Variants in UGT2A1 observed in about 807,000 individuals in gnomAD.
UGT2A1 encodes UDP glucuronosyltransferase family 2 member A1 complex locus, also known as UDP-glucuronosyltransferase 2A1.
A neutral mutation model predicts 45.4 loss-of-function variants in UGT2A1; 61 were observed. The observed-to-expected ratio is 1.34, with a 90% CI of 1.09 to 1.66. UGT2A1 has a LOEUF of 1.66. UGT2A1 is among the 40% of genes most tolerant of loss of function. The pLI is 0.00. For synonymous variants in UGT2A1, 229 were observed against 196.2 expected, an observed-to-expected ratio of 1.17 and a Z score of -1.40; for missense variants, 649 against 574.3, an observed-to-expected ratio of 1.13 and a Z score of -1.33.
At position 69,606,491 on chromosome 4, in the gene UGT2A1, T is replaced by G. The variant is rs1305549364; in HGVS notation, c.848-7097A>C. 6.5e-4 allele frequency among the ~76,000 whole-genome samples: 89 copies of G among 135,996 alleles called. 25 individuals are homozygous for G. The highest frequency in any genetic ancestry group is 2.5e-3 in the African/African-American group (84 of 33,512). The allele number at this position is 135,996 out of a possible 152,430, so 89.2% of individuals were successfully genotyped here. On this transcript the variant is annotated intron_variant, in intron 3 of 6. Transcript: ENST00000286604. Reference sequence around the variant, plus strand: ...ATACTGAATGGACAAAAACTGGAAGTATTCCCTTTGAAAACTGGCACAAGA... The same window carrying G: ...ATACTGAATGGACAAAAACTGGAAGGATTCCCTTTGAAAACTGGCACAAGA...
chr4:69,603,867 A>C (rs1719447902), intron 3 of UGT2A1, among the ~76,000 whole-genome samples: 1 of 136,230 alleles, frequency 7.3e-6, no homozygotes, highest in Non-Finnish European at 1.6e-5. Context: ...AGTTTAGAGA[A>C]AAAAGAATAA....
intron 3 of UGT2A1, among the ~76,000 whole-genome samples, chr4:69,612,316 G>T (rs1720112242): frequency 6.6e-6 from 1 of 152,034 alleles, no homozygotes; most frequent in African/African-American, 2.4e-5. Context: ...TCGTTAAAAT[G>T]GCCAAATTGC....
chr4:69,614,431 A>G (rs1363798814), intron 3 of UGT2A1, among the ~76,000 whole-genome samples: 1 of 144,980 alleles, frequency 6.9e-6, no homozygotes, highest in Non-Finnish European at 1.5e-5. Context: ...TCCCTATCAA[A>G]AGACCAATAA....
chr4:69,633,703 CATA>C (rs1389710736), intron 3 of UGT2A1, among the ~76,000 whole-genome samples: 3 of 152,052 alleles, frequency 2.0e-5, no homozygotes, highest in Non-Finnish European at 4.4e-5. Flanking sequence ...CAAAGGAGTA[CATA>C]ATGTGTGATT....
rs140664005 is a variant in UGT2A1 at position 69,595,651 on chromosome 4, A to G, written c.997-402T>C. Among the ~76,000 whole-genome samples the G allele has an allele frequency of 2.8e-3, 434 of 152,286 alleles. 2 individuals carry two copies. The highest frequency in any genetic ancestry group is 9.9e-3 in the African/African-American group (410 of 41,560). ...GAATAGAAGTATAAAAAGAATAGAA[A>G]TGCAAAATTGTAGAGATAAAAATTA... On this transcript the variant is annotated intron_variant, in intron 4 of 6. Coordinates refer to ENST00000286604, the MANE Select transcript of UGT2A1 (RefSeq NM_001252275.3).
chr4:69,601,924 T>C (rs1719321316), intron 3 of UGT2A1, among the ~76,000 whole-genome samples: 1 of 136,798 alleles, frequency 7.3e-6, no homozygotes, highest in Non-Finnish European at 1.6e-5. Flanking sequence ...ACCACAACCA[T>C]GCAACTTGAG....
At chr4:69,592,159 G>T (rs1432327) in intron 6 of UGT2A1, among the ~76,000 whole-genome samples, 1 of 151,836 alleles carries the variant, frequency 6.6e-6, no homozygotes, top group Non-Finnish European at 1.5e-5. Flanking sequence ...GGTTACTTCC[G>T]TTAAGAAAAA....
intron 2 of UGT2A1, chr4:69,638,994 C>T (rs1328979499): frequency 5.6e-6 from 9 of 1,612,972 alleles, no homozygotes; most frequent in Admixed American, 1.7e-5. Context: ...AATCCTTTCA[C>T]CAAAGGTCAT....
At chr4:69,636,977 C>T (rs1721746629) in intron 2 of UGT2A1, among the ~76,000 whole-genome samples, 1 of 152,062 alleles carries the variant, frequency 6.6e-6, no homozygotes, top group Non-Finnish European at 1.5e-5. Flanking sequence ...TTGTATGTCT[C>T]TTATTTAAGG....
At chr4:69,630,341 C>G (rs1721313713) in intron 3 of UGT2A1, among the ~76,000 whole-genome samples, 1 of 152,022 alleles carries the variant, frequency 6.6e-6, no homozygotes, top group Non-Finnish European at 1.5e-5. Flanking sequence ...CATGCAGCGT[C>G]TTTACTCTTT....
chr4:69,636,868 A>T (rs548279917), intron 2 of UGT2A1, among the ~76,000 whole-genome samples: 2 of 152,298 alleles, frequency 1.3e-5, no homozygotes, highest in East Asian at 3.9e-4. Context: ...AAGAGAAAGC[A>T]CTGTGACTCT....
chr4:69,603,459 G>T (rs1719415541), intron 3 of UGT2A1: 1 of 136,802 alleles, frequency 7.3e-6, no homozygotes, highest in South Asian at 2.4e-4. Context: ...AAACCACAAA[G>T]ATAGGGAAAA....
intron 3 of UGT2A1, among the ~76,000 whole-genome samples, chr4:69,632,830 G>C (rs1721461364): frequency 6.6e-6 from 1 of 151,532 alleles, no homozygotes; most frequent in African/African-American, 2.4e-5. Flanking sequence ...GGGGGTTGCA[G>C]TGAGCCGAGA....
intron 3 of UGT2A1, among the ~76,000 whole-genome samples, chr4:69,605,953 T>G (rs971407707): frequency 7.3e-6 from 1 of 136,134 alleles, no homozygotes; most frequent in Non-Finnish European, 1.6e-5. Context: ...CCAAAAAAAG[T>G]CCAGGACCAG....
At chr4:69,602,502 T>TCTAC (rs1314825827) in intron 3 of UGT2A1, among the ~76,000 whole-genome samples, 2 of 131,654 alleles carry the variant, frequency 1.5e-5, no homozygotes, top group African/African-American at 3.1e-5. Flanking sequence ...TATCTATCTA[T>TCTAC]CTATCTGATA....
chr4:69,601,279 C>T (rs1560471196), intron 3 of UGT2A1, among the ~76,000 whole-genome samples: 1 of 152,154 alleles, frequency 6.6e-6, no homozygotes, highest in Non-Finnish European at 1.5e-5. Flanking sequence ...ATAGGGGGAG[C>T]CAGAGCACAG....
chr4:69,607,159 C>G (rs1261499739), intron 3 of UGT2A1, among the ~76,000 whole-genome samples: 2 of 143,690 alleles, frequency 1.4e-5, no homozygotes, highest in African/African-American at 2.6e-5. Flanking sequence ...CACTACCTGA[C>G]TTCAAACTAT....
At chr4:69,599,537 T>A in intron 3 of UGT2A1, 143 bp from the exon 4 acceptor site, 2 of 1,165,862 alleles carry the variant, frequency 1.7e-6, no homozygotes, top group Non-Finnish European at 2.3e-6. Flanking sequence ...GTTTATATAT[T>A]AAGAAGAAGG....
At chr4:69,636,755 T>C (rs73824184) in intron 2 of UGT2A1, among the ~76,000 whole-genome samples, 1 of 152,052 alleles carries the variant, frequency 6.6e-6, no homozygotes, top group African/African-American at 2.4e-5. Context: ...GTAAATAACA[T>C]TTAATATAAG....
Sources: gnomAD v4.1 joint callset for allele counts (sites outside exome capture counted in the v4.1 genomes callset) on GRCh38, gnomAD v4.1.1 for gene constraint, MANE v1.5 for transcripts, NCBI Gene and HGNC (gene_info 2026-07-23, HGNC 2026-07-21) for gene names.